ACAN: variants seen among roughly 807,000 people sequenced by gnomAD.
ACAN encodes the protein aggrecan, also known as aggrecan core protein.
ACAN carries 47 observed loss-of-function variants against 169.1 expected under a neutral mutation model. The observed-to-expected ratio is 0.28, with a 90% CI of 0.22 to 0.35. ACAN has a LOEUF of 0.35. Among genes scored for constraint, ACAN ranks in the 10% least tolerant of loss-of-function variants. The pLI is 1.00. For missense variants in ACAN, 2,716 were observed against 2,759.9 expected (o/e 0.98, Z 0.36); for synonymous variants, 1,115 against 1,112.2 (o/e 1.00, Z -0.05).
chr15:88,836,889 C>T (rs1043055752), intron 2 of ACAN, among the ~76,000 whole-genome samples: 2 of 152,364 alleles, frequency 1.3e-5, no homozygotes, highest in Non-Finnish European at 2.9e-5. Flanking sequence ...TCCCCAGGCC[C>T]AGACAAGAGA....
chr15:88,814,385 C>G lies in ACAN; in HGVS notation c.-8+10576C>G, dbSNP rs1489064094. Reference sequence around the variant, plus strand: ...TCATGACTGCCTCCTCTTGCCCAAACTGAAGTTTCTCAGCTGCTTTTCTGC... The same window carrying G: ...TCATGACTGCCTCCTCTTGCCCAAAGTGAAGTTTCTCAGCTGCTTTTCTGC... On this transcript the variant is annotated intron_variant, in intron 1 of 18. Coordinates refer to ENST00000560601, the MANE Select transcript of ACAN (RefSeq NM_001369268.1). This position sits in a 1 kb window ranked among gnomAD's most constrained non-coding sequence, Gnocchi z 4.0. Among the ~76,000 whole-genome samples, 1 of 152,214 alleles carries G rather than the reference C, an allele frequency of 6.6e-6. No individual in the cohort carries two copies. Among genetic ancestry groups the G allele is most frequent in the African/African-American group, 2.4e-5 (1 of 41,452 alleles).
At position 88,845,771 on chromosome 15, in the gene ACAN, A is replaced by AC; in HGVS notation, c.1320dup (p.Arg441GlnfsTer19). On this transcript the variant is annotated frameshift_variant, in exon 7 of 19. Transcript: ENST00000560601. LOFTEE classifies it high-confidence loss of function. ...GGTTGAGAATGAGACTGGAGAGGCCACCAGGCCCTGGGGCTTTCCCACACC... is the reference window on the plus strand; with the variant it reads ...GGTTGAGAATGAGACTGGAGAGGCCACCCAGGCCCTGGGGCTTTCCCACACC... 1 of 1,607,444 alleles carries AC rather than the reference A, an allele frequency of 6.2e-7. No homozygotes were observed. Among genetic ancestry groups the AC allele is most frequent in the Non-Finnish European group, 8.5e-7 (1 of 1,176,234 alleles).
chr15:88,816,640 G>A (rs912375760), intron 1 of ACAN, among the ~76,000 whole-genome samples: 1 of 152,164 alleles, frequency 6.6e-6, no homozygotes, highest in African/African-American at 2.4e-5. Flanking sequence ...GTTCATGGTT[G>A]CCTGGCTGTT....
rs1896816941 is a variant in ACAN, at chr15:88,847,310, C to T, written c.1497C>T (p.Ala499=). 1 of 1,575,210 alleles carries T rather than the reference C, an allele frequency of 6.3e-7. No homozygotes were observed. Among genetic ancestry groups the T allele is most frequent in the Non-Finnish European group, 8.6e-7 (1 of 1,161,668 alleles). The change falls in exon 8 of 19, where the codon GCC becomes GCT. Residue 499 remains alanine, a synonymous_variant. Coordinates refer to ENST00000560601, the MANE Select transcript of ACAN (RefSeq NM_001369268.1). ...YSLTFEEAQQ[A]CLRTGAVIAS... is the part of the protein sequence containing the mutation. ...TGACCTTTGAGGAGGCACAGCAGGC[C>T]TGCCTGCGCACGGGGGCGGTCATTG...
chr15:88,856,961 C>T lies in ACAN; in HGVS notation c.4376C>T (p.Thr1459Ile), dbSNP rs867412218. 4.3e-6 allele frequency: 7 copies of T among 1,613,176 alleles called. No individual in the cohort carries two copies. The highest frequency in any genetic ancestry group is 5.9e-6 in the Non-Finnish European group (7 of 1,179,668). ...CTTCCTTCTGGAGAAGTTCTAGAGA[C>T]TTCTACCTCTGCGGTAGGGGACCTC... ...SGLPSGEVLE[T>I]STSAVGDLSG... Residue 1459 changes from threonine to isoleucine, a missense_variant, in exon 12 of 19, where the codon ACT becomes ATT. Transcript: ENST00000560601.
At chr15:88,848,138 A>G (rs947215929) in intron 9 of ACAN, 100 bp downstream of exon 9, 22 of 1,480,084 alleles carry the variant, frequency 1.5e-5, no homozygotes, top group Non-Finnish European at 1.9e-5. Context: ...CCACCCACCC[A>G]CCCCTGATTC....
rs776299459 is a variant in ACAN, at chr15:88,858,984, C to T, written c.6399C>T (p.Thr2133=). 3 of 1,613,830 alleles carry T rather than the reference C, an allele frequency of 1.9e-6. No homozygotes were observed. The highest frequency in any genetic ancestry group is 2.5e-6 in the Non-Finnish European group (3 of 1,179,898). ...DSGSPDLSET[T]SAFHEANLER... ...GGTCCCCTGATCTGAGTGAAACCAC[C>T]TCTGCATTCCACGAAGCTAACCTTG... is the stretch of plus-strand genomic sequence containing the variant. Residue 2133 remains threonine, a synonymous_variant, in exon 12 of 19, where the codon ACC becomes ACT. Coordinates refer to ENST00000560601, the MANE Select transcript of ACAN (RefSeq NM_001369268.1). The surrounding 1 kb of genome is among the most constrained non-coding windows in gnomAD (Gnocchi z 4.0).
At chr15:88,823,106 G>A (rs184768575) in intron 1 of ACAN, among the ~76,000 whole-genome samples, 2 of 152,326 alleles carry the variant, frequency 1.3e-5, no homozygotes, top group African/African-American at 2.4e-5. Flanking sequence ...ACACAGGGAG[G>A]CTACTGAAGC....
intron 1 of ACAN, among the ~76,000 whole-genome samples, chr15:88,809,230 A>ATTCCC (rs1895760671): frequency 6.6e-6 from 1 of 152,150 alleles, no homozygotes; most frequent in South Asian, 2.1e-4. Context: ...TTGCCATAGT[A>ATTCCC]TTCCCTCTGC....
At chr15:88,805,102 G>A (rs1229387812) in intron 1 of ACAN, among the ~76,000 whole-genome samples, 1 of 152,142 alleles carries the variant, frequency 6.6e-6, no homozygotes. Flanking sequence ...TCGGTCCCTC[G>A]TCCTGATTTA....
intron 1 of ACAN, among the ~76,000 whole-genome samples, chr15:88,826,682 T>C (rs752596295): frequency 4.6e-5 from 7 of 152,176 alleles, no homozygotes; most frequent in African/African-American, 2.4e-5. Context: ...GAGATTTGGG[T>C]TTCCCTCTCT....
At chr15:88,840,954 C>A (rs544024275) in intron 4 of ACAN, among the ~76,000 whole-genome samples, 3 of 152,254 alleles carry the variant, frequency 2.0e-5, no homozygotes, top group East Asian at 1.9e-4. Context: ...ACCATCCTAG[C>A]TAACATGGTG....
intron 1 of ACAN, among the ~76,000 whole-genome samples, chr15:88,832,919 G>C (rs1265132465): frequency 1.3e-5 from 2 of 152,190 alleles, no homozygotes; most frequent in Non-Finnish European, 2.9e-5. Flanking sequence ...CAAAGAAACA[G>C]TGTCCGGCCT....
chr15:88,873,690 G>A lies in ACAN; in HGVS notation c.7448-152G>A, dbSNP rs1181119253. 5 of 751,808 alleles carry A rather than the reference G, an allele frequency of 6.7e-6. No individual in the cohort carries two copies. The highest frequency in any genetic ancestry group is 1.1e-5 in the Non-Finnish European group (5 of 472,226). The allele number at this position is 751,808 out of a possible 1,614,324, so 46.6% of individuals were successfully genotyped here. A position where few individuals can be genotyped will look rare whatever the true frequency, so the allele number is the denominator to read the frequency against. On this transcript the variant is annotated intron_variant, in intron 17 of 18. Transcript: ENST00000560601. The surrounding 1 kb of genome is among the most constrained non-coding windows in gnomAD (Gnocchi z 7.5). ...TTGAGGAACCCAGATGTTACAGCCA[G>A]CGGCTTCCAGATTCTTAGCGCTGCA...
At position 88,855,098 on chromosome 15, in the gene ACAN, C is replaced by T. The variant is rs776978647; in HGVS notation, c.2513C>T (p.Ser838Leu). The T allele has an allele frequency of 1.1e-5, 17 of 1,596,588 alleles. No individual in the cohort carries two copies. Among genetic ancestry groups the T allele is most frequent in the Admixed American group, 5.2e-5 (3 of 57,742 alleles). ...EPSPSEEPSA[S>L]EEPYTPSPPV... ...TCCCCCTCAGAGGAACCATCAGCCT[C>T]GGAAGAGCCGTATACACCTTCACCC... The change falls in exon 12 of 19, where the codon TCG (serine) becomes TTG (leucine). Residue 838 changes from serine to leucine, a missense_variant. Ser to Leu is a moderately radical substitution (Grantham distance 145, BLOSUM62 -2). This residue lies in a region of ACAN where 1,283 missense variants were observed against 1,281.5 expected (regional missense o/e 1.00). Coordinates refer to ENST00000560601, the MANE Select transcript of ACAN (RefSeq NM_001369268.1).
chr15:88,824,710 C>T (rs916397307), intron 1 of ACAN, among the ~76,000 whole-genome samples: 17 of 152,086 alleles, frequency 1.1e-4, no homozygotes. Flanking sequence ...GAAACCCCAT[C>T]TCTACTAAAA....
At chr15:88,804,691 G>T (rs1205022023) in intron 1 of ACAN, among the ~76,000 whole-genome samples, 1 of 152,158 alleles carries the variant, frequency 6.6e-6, no homozygotes, top group Non-Finnish European at 1.5e-5. Context: ...CTGCGGGGGT[G>T]GGGGCTTGTC....
intron 1 of ACAN, among the ~76,000 whole-genome samples, chr15:88,804,434 G>A (rs1895624726): frequency 6.6e-6 from 1 of 152,174 alleles, no homozygotes; most frequent in Non-Finnish European, 1.5e-5. Context: ...CTGGGACAGA[G>A]CTACTGAACT....
chr15:88,834,769 C>T (rs113345989), intron 1 of ACAN, among the ~76,000 whole-genome samples: 7 of 152,310 alleles, frequency 4.6e-5, no homozygotes, highest in East Asian at 1.9e-4. Context: ...TGGGACTGCA[C>T]GTGTTCTAGG....
Sources: allele counts gnomAD v4.1 joint callset (sites outside exome capture counted in the v4.1 genomes callset), GRCh38; gene constraint gnomAD v4.1.1; regional missense constraint gnomAD v4.1.1; non-coding constraint Gnocchi (gnomAD v3.1); transcripts MANE v1.5; gene names NCBI Gene and HGNC (gene_info 2026-07-23, HGNC 2026-07-21).